Variants in MS4A1 observed in about 807,000 individuals in gnomAD.
MS4A1 encodes the protein B-lymphocyte antigen CD20.
Under a neutral mutation model 26.5 loss-of-function variants are expected in MS4A1, and 16 were observed. The observed-to-expected ratio is 0.60, with a 90% CI of 0.41 to 0.92. The LOEUF (loss-of-function observed/expected upper bound fraction) is 0.92. Ranked by LOEUF, MS4A1 falls within the 40% of genes least tolerant of loss-of-function variation. The pLI is 0.00. For synonymous variants in MS4A1, 128 were observed against 117.6 expected, an observed-to-expected ratio of 1.09 and a Z score of -0.57; for missense variants, 350 against 353.0, an observed-to-expected ratio of 0.99 and a Z score of 0.07.
At position 60,462,475 on chromosome 11, in the gene MS4A1, T is replaced by C. The variant is rs776822308; in HGVS notation, c.101T>C (p.Met34Thr). ...GGTCCAAAACCACTCTTCAGGAGGA[T>C]GTCTTCACTGGTGGGCCCCACGCAA... The part of the protein sequence containing the change: ...QSGPKPLFRR[M>T]SSLVGPTQSF... The change falls in exon 3 of 8, where the codon ATG (methionine) becomes ACG (threonine). Residue 34 changes from methionine (M) to threonine (T), a missense_variant. Physicochemically the swap from Met to Thr is moderately conservative, Grantham distance 81. Coordinates refer to ENST00000345732, the MANE Select transcript of MS4A1 (RefSeq NM_152866.3). 2.5e-6 allele frequency: 4 copies of C among 1,614,086 alleles called. No individual in the cohort carries two copies. In the South Asian group the frequency reaches 4.4e-5, roughly 18 times the overall value.
chr11:60,464,398 TC>T, intron 5 of MS4A1, 54 bp downstream of exon 5: 2 of 1,564,180 alleles, frequency 1.3e-6, no homozygotes, highest in South Asian at 2.2e-5. Flanking sequence ...CCTATTTTTT[TC>T]GGTTAAAAAC....
At position 60,462,645 on chromosome 11, in the gene MS4A1, C is replaced by T. The variant is rs1451899955; in HGVS notation, c.159+112C>T. ...CCAATTTGAAGAATTGGGATCCAAC[C>T]TGATGTCTTCTTTATGTCTAACACA... On this transcript the variant is annotated intron_variant, in intron 3 of 7. Transcript: ENST00000345732. 5 of 1,396,994 alleles carry T rather than the reference C, an allele frequency of 3.6e-6. No homozygotes were observed. The Admixed American group carries it at 8.9e-5, about 25-fold the overall frequency. 86.5% of individuals were successfully genotyped at this position (1,396,994 alleles called of 1,614,324 possible). A position where few individuals can be genotyped will look rare whatever the true frequency, so the allele number is the denominator to read the frequency against.
intron 7 of MS4A1, 95 bp from the exon 8 acceptor site, chr11:60,468,155 A>T: frequency 8.4e-7 from 1 of 1,186,710 alleles, no homozygotes; most frequent in Admixed American, 2.2e-5. Flanking sequence ...AAGTAGCATA[A>T]AAACCAGGAG....
chr11:60,457,557 G>A (rs1309924259), intron 1 of MS4A1, among the ~76,000 whole-genome samples: 1 of 152,160 alleles, frequency 6.6e-6, no homozygotes, highest in East Asian at 1.9e-4. Flanking sequence ...GTATTGCAGA[G>A]GTAGAAATGG....
At chr11:60,456,260 A>C (rs181795290) in intron 1 of MS4A1, among the ~76,000 whole-genome samples, 34 of 152,290 alleles carry the variant, frequency 2.2e-4, no homozygotes, top group Non-Finnish European at 4.3e-4. Context: ...ACCACTAACA[A>C]ACAATATAAC....
At position 60,457,143 on chromosome 11, in the gene MS4A1, G is replaced by A. The variant is rs368221671; in HGVS notation, c.-280+1198G>A. On this transcript the variant is annotated intron_variant, in intron 1 of 7. Coordinates refer to ENST00000345732, the MANE Select transcript of MS4A1 (RefSeq NM_152866.3). ...GCAATCAGGCAAGGAGAGCAGGAAC[G>A]CCCTCAGGTGATGTGCATATCTAAT... 1.2e-4 allele frequency among the ~76,000 whole-genome samples: 19 copies of A among 152,308 alleles called. 1 individual carries two copies. The highest frequency in any genetic ancestry group is 4.1e-4 in the African/African-American group (17 of 41,566).
intron 4 of MS4A1, chr11:60,463,981 G>T: frequency 2.2e-6 from 1 of 452,132 alleles, no homozygotes; most frequent in Non-Finnish European, 4.1e-6. Context: ...TAAATTTATG[G>T]TATGAGTATT....
chr11:60,468,924 T>G lies in MS4A1; in HGVS notation c.*456T>G, dbSNP rs1015397446. The G allele has an allele frequency of 5.7e-6, 1 of 175,510 alleles. No homozygotes were observed. The highest frequency in any genetic ancestry group is 1.5e-4 in the East Asian group (1 of 6,698). The allele number at this position is 175,510 out of a possible 1,614,324, so 10.9% of individuals were successfully genotyped here. On this transcript the variant is annotated 3_prime_UTR_variant, in exon 8 of 8. Coordinates refer to ENST00000345732, the MANE Select transcript of MS4A1 (RefSeq NM_152866.3). The stretch of plus-strand genomic sequence containing the variant: ...CCCTTTTGCATCATTGTTTTAAGGA[T>G]GATAAAAAAAAATAACAACTAGGGA...
chr11:60,464,656 A>G (rs1015475022), intron 5 of MS4A1, among the ~76,000 whole-genome samples: 4 of 152,224 alleles, frequency 2.6e-5, no homozygotes, highest in African/African-American at 9.6e-5. Context: ...ACCATTTAGG[A>G]AAATTATCTG....
chr11:60,466,226 G>A, intron 6 of MS4A1, 69 bp downstream of exon 6: 1 of 1,269,238 alleles, frequency 7.9e-7, no homozygotes. Context: ...TTTATTATGA[G>A]CATGAACTCT....
intron 5 of MS4A1, 48 bp from the exon 6 acceptor site, chr11:60,465,873 T>C: frequency 1.4e-6 from 2 of 1,465,598 alleles, no homozygotes; most frequent in African/African-American, 1.4e-5. Context: ...GATTATGTTT[T>C]CCAAAGGGAA....
In MS4A1 at chr11:60,468,505, T is replaced by A. The variant is rs749370379; in HGVS notation, c.*37T>A. On this transcript the variant is annotated 3_prime_UTR_variant, in exon 8 of 8. Coordinates refer to ENST00000345732, the MANE Select transcript of MS4A1 (RefSeq NM_152866.3). ...TGTTTTCTGTTTCCTTTTTTAAACA[T>A]TAGTGTTCATAGCTTCCAAGAGACA... The A allele has an allele frequency of 6.3e-7, 1 of 1,582,716 alleles. No individual in the cohort carries two copies. The highest frequency in any genetic ancestry group is 1.7e-5 in the Admixed American group (1 of 59,822).
Position 60,465,948 on chromosome 11 carries a change from T to C in MS4A1, c.364T>C (p.Leu122=), listed in dbSNP as rs1180517116. ...LVKGKMIMNS[L]SLFAAISGMI... is the part of the protein sequence containing the mutation. ...CAAAGGAAAAATGATAATGAATTCA[T>C]TGAGCCTCTTTGCTGCCATTTCTGG... The change falls in exon 6 of 8, where the codon TTG becomes CTG. Residue 122 remains leucine (L), a synonymous_variant. Transcript: ENST00000345732. The C allele has an allele frequency of 1.2e-6, 2 of 1,613,636 alleles. No individual in the cohort carries two copies. Among genetic ancestry groups the C allele is most frequent in the African/African-American group, 1.3e-5 (1 of 74,944 alleles).
chr11:60,462,183 A>G lies in MS4A1; in HGVS notation c.-190-2A>G. The G allele has an allele frequency of 1.4e-6, 1 of 696,168 alleles. No individual in the cohort carries two copies. The highest frequency in any genetic ancestry group is 2.0e-5 in the Admixed American group (1 of 49,074). The allele number at this position is 696,168 out of a possible 1,614,324, so 43.1% of individuals were successfully genotyped here. A position where few individuals can be genotyped will look rare whatever the true frequency, so the allele number is the denominator to read the frequency against. The stretch of plus-strand genomic sequence containing the variant: ...AAACAACCCCTCCATCTCCTTTCTC[A>G]GAACTCAGCAGTAGGCCTTGCCTCA... On this transcript the variant is annotated splice_acceptor_variant, in intron 2 of 7. Transcript: ENST00000345732. LOFTEE classifies it low-confidence loss of function (5UTR_SPLICE).
intron 4 of MS4A1, 127 bp from the exon 5 acceptor site, chr11:60,464,161 G>A (rs899146300): frequency 6.9e-5 from 49 of 708,236 alleles, no homozygotes; most frequent in Non-Finnish European, 5.0e-6. Flanking sequence ...GGATGGTTGT[G>A]TGAAAGTTGC....
chr11:60,459,816 A>G (rs1484499561), intron 1 of MS4A1, among the ~76,000 whole-genome samples: 1 of 152,220 alleles, frequency 6.6e-6, no homozygotes, highest in Non-Finnish European at 1.5e-5. Context: ...CAACTGATTT[A>G]TAGTCATTCA....
intron 1 of MS4A1, chr11:60,458,031 A>C (rs2086218094): frequency 6.6e-6 from 1 of 152,232 alleles, no homozygotes. Context: ...GAAGGTAACT[A>C]TTACCTTAAA....
At chr11:60,464,465 C>T (rs1291432621) in intron 5 of MS4A1, 121 bp downstream of exon 5, 1 of 806,784 alleles carries the variant, frequency 1.2e-6, no homozygotes, top group Non-Finnish European at 2.1e-6. Flanking sequence ...AAGCAAAGAC[C>T]CTCCACAATG....
In MS4A1 at chr11:60,462,204, C is replaced by T. The variant is rs17155019; in HGVS notation, c.-171C>T. On this transcript the variant is annotated 5_prime_UTR_variant, in exon 3 of 8. Transcript: ENST00000345732. ...TCTCAGAACTCAGCAGTAGGCCTTG[C>T]CTCAGATCCAAGGTCACTCGGAAGA... 6,380 of 753,748 alleles carry T rather than the reference C, an allele frequency of 8.5e-3. 269 individuals carry two copies. In the Admixed American group the frequency reaches 0.091, roughly 11 times the overall value. 46.7% of individuals were successfully genotyped at this position (753,748 alleles called of 1,614,324 possible). A position where few individuals can be genotyped will look rare whatever the true frequency, so the allele number is the denominator to read the frequency against.
Sources: gnomAD v4.1 joint callset for allele counts (sites outside exome capture counted in the v4.1 genomes callset) on GRCh38, gnomAD v4.1.1 for gene constraint, MANE v1.5 for transcripts, NCBI Gene and HGNC (gene_info 2026-07-23, HGNC 2026-07-21) for gene names.